ADGRL4: variants seen among roughly 807,000 people sequenced by gnomAD.
The protein encoded by ADGRL4 is EGF, latrophilin and seven transmembrane domain containing 1.
A neutral mutation model predicts 74.8 loss-of-function variants in ADGRL4; 90 were observed. That is an observed-to-expected ratio of 1.20 (90% confidence interval 1.02 to 1.43). The LOEUF (loss-of-function observed/expected upper bound fraction) is 1.43. ADGRL4 is among the 40% of genes most tolerant of loss of function. The pLI is 0.00. For missense variants in ADGRL4, 881 were observed against 814.3 expected (o/e 1.08, Z -1.00); for synonymous variants, 311 against 279.2 (o/e 1.11, Z -1.14).
At chr1:79,002,238 C>T (rs1173052508) in intron 2 of ADGRL4, among the ~76,000 whole-genome samples, 1 of 152,088 alleles carries the variant, frequency 6.6e-6, no homozygotes, top group Non-Finnish European at 1.5e-5. Flanking sequence ...TTATTACAGT[C>T]AGCTTGCTAT....
chr1:79,005,293 A>G, intron 1 of ADGRL4, 74 bp from the exon 2 acceptor site: 2 of 1,138,214 alleles, frequency 1.8e-6, no homozygotes, highest in Non-Finnish European at 2.4e-6. Context: ...ATTAGAGTAT[A>G]ATAAACATAA....
chr1:79,005,083 G>A lies in ADGRL4; in HGVS notation c.159C>T (p.Val53=). Reference sequence around the variant, plus strand: ...AAGCTTGTTTACCTTCACAAATTGTGACACCATTTCCTGAAAATCCCATGT... The same window carrying A: ...AAGCTTGTTTACCTTCACAAATTGTAACACCATTTCCTGAAAATCCCATGT... ...YCNMGFSGNG[V]TICEDDNECG... is the part of the protein sequence containing the mutation. Residue 53 remains valine (V), a synonymous_variant, in exon 2 of 15, where the codon GTC becomes GTT. Coordinates refer to ENST00000370742, the MANE Select transcript of ADGRL4 (RefSeq NM_022159.4). The A allele has an allele frequency of 6.2e-7, 1 of 1,611,958 alleles. No homozygotes were observed.
chr1:78,910,115 AG>A (rs754811424), intron 12 of ADGRL4, among the ~76,000 whole-genome samples: 62 of 151,766 alleles, frequency 4.1e-4, no homozygotes, highest in Non-Finnish European at 7.7e-4. Flanking sequence ...GGGGAGAATG[AG>A]TGTAGATTGG....
rs140676661 is a variant in ADGRL4 at position 78,905,854 on chromosome 1, C to T, written c.1749+11780G>A. Among the ~76,000 whole-genome samples the T allele has an allele frequency of 3.9e-3, 594 of 151,912 alleles. 5 individuals carry two copies. Among genetic ancestry groups the T allele is most frequent in the African/African-American group, 0.013 (555 of 41,476 alleles). On this transcript the variant is annotated intron_variant, in intron 12 of 14. Transcript: ENST00000370742. ...TAGCCATTAATTTGACTAAACATTTCGAAAAATTACATTTTTATTTTGTCT... is the reference window on the plus strand; with the variant it reads ...TAGCCATTAATTTGACTAAACATTTTGAAAAATTACATTTTTATTTTGTCT...
chr1:78,907,349 G>T (rs1160655028), intron 12 of ADGRL4, among the ~76,000 whole-genome samples: 1 of 151,944 alleles, frequency 6.6e-6, no homozygotes, highest in Non-Finnish European at 1.5e-5. Flanking sequence ...TATCATTTCT[G>T]AGTAACTTTT....
intron 9 of ADGRL4, among the ~76,000 whole-genome samples, chr1:78,921,243 T>C (rs1434789257): frequency 6.6e-6 from 1 of 151,364 alleles, no homozygotes; most frequent in Non-Finnish European, 1.5e-5. Flanking sequence ...TCAAATATTT[T>C]CAGGAGCTTT....
intron 7 of ADGRL4, among the ~76,000 whole-genome samples, chr1:78,927,716 T>C (rs1649148579): frequency 6.6e-6 from 1 of 152,018 alleles, no homozygotes; most frequent in Non-Finnish European, 1.5e-5. Flanking sequence ...AAATCATAAA[T>C]ACAAATATTA....
rs759442286 is a variant in ADGRL4, at chr1:78,937,831, A to G, written c.736T>C (p.Phe246Leu). ...ISQSFQKTTEFDTNSTDIALK... is the reference protein window; with the variant it reads ...ISQSFQKTTELDTNSTDIALK... ...CCTATATCCGTTGAATTTGTATCAA[A>G]CTCTGTGGTCTTTTGGAAGCTCTGG... The change falls in exon 6 of 15, where the codon TTT (phenylalanine) becomes CTT (leucine). Residue 246 changes from phenylalanine to leucine, a missense_variant. Physicochemically the swap from Phe to Leu is conservative, Grantham distance 22 (BLOSUM62 0). Transcript: ENST00000370742. 3.7e-6 allele frequency: 6 copies of G among 1,610,942 alleles called. No homozygotes were observed. In the Admixed American group the frequency reaches 5.1e-5, roughly 14 times the overall value.
intron 2 of ADGRL4, among the ~76,000 whole-genome samples, chr1:78,972,306 T>C (rs1239242330): frequency 6.6e-6 from 1 of 152,194 alleles, no homozygotes; most frequent in African/African-American, 2.4e-5. Context: ...AGCTCTAATA[T>C]TTATGGAGGA....
intron 2 of ADGRL4, among the ~76,000 whole-genome samples, chr1:78,990,605 G>A (rs1650587960): frequency 6.6e-6 from 1 of 151,752 alleles, no homozygotes; most frequent in African/African-American, 2.4e-5. Context: ...TGCTTTTACT[G>A]AAAATTTTTT....
intron 13 of ADGRL4, among the ~76,000 whole-genome samples, chr1:78,891,998 T>C (rs545756804): frequency 1.3e-5 from 2 of 152,162 alleles, no homozygotes; most frequent in Non-Finnish European, 2.9e-5. Flanking sequence ...TCTGGTGTAC[T>C]GCAGTGTGCA....
intron 12 of ADGRL4, among the ~76,000 whole-genome samples, chr1:78,895,831 A>T (rs1391871493): frequency 6.6e-6 from 1 of 152,058 alleles, no homozygotes; most frequent in Non-Finnish European, 1.5e-5. Flanking sequence ...ATAATTATTT[A>T]TGTACTGTAG....
rs188113017 is a variant in ADGRL4, at chr1:78,952,419, A to G, written c.173-5993T>C. On this transcript the variant is annotated intron_variant, in intron 2 of 14. Transcript: ENST00000370742. Reference sequence around the variant, plus strand: ...CTGGGAATTCTCTTTCCATATCAGTACTATAAGGAACTTTAAAAGATCATC... The same window carrying G: ...CTGGGAATTCTCTTTCCATATCAGTGCTATAAGGAACTTTAAAAGATCATC... Among the ~76,000 whole-genome samples the G allele has an allele frequency of 5.4e-5, 8 of 148,856 alleles. No homozygotes were observed. The East Asian group carries it at 1.6e-3, about 30-fold the overall frequency.
chr1:78,927,839 C>T (rs1417585065), intron 7 of ADGRL4, among the ~76,000 whole-genome samples: 3 of 152,126 alleles, frequency 2.0e-5, no homozygotes, highest in Non-Finnish European at 2.9e-5. Context: ...AAGTGTATTG[C>T]TATTTATGTT....
intron 7 of ADGRL4, among the ~76,000 whole-genome samples, chr1:78,935,741 A>C (rs186646060): frequency 1.2e-4 from 19 of 152,248 alleles, no homozygotes; most frequent in Admixed American, 1.2e-3. Context: ...AGACAGTAAC[A>C]AAAGTTGGAG....
At chr1:78,974,431 G>C (rs1650237800) in intron 2 of ADGRL4, among the ~76,000 whole-genome samples, 1 of 151,998 alleles carries the variant, frequency 6.6e-6, no homozygotes, top group Non-Finnish European at 1.5e-5. Flanking sequence ...GATTGAAAAA[G>C]AAAAGAATGG....
At chr1:78,956,567 C>A (rs1438136977) in intron 2 of ADGRL4, among the ~76,000 whole-genome samples, 1 of 152,156 alleles carries the variant, frequency 6.6e-6, no homozygotes, top group Non-Finnish European at 1.5e-5. Flanking sequence ...TTTTGCAAAT[C>A]TCTCAATCTG....
At chr1:78,954,359 A>T (rs182722071) in intron 2 of ADGRL4, among the ~76,000 whole-genome samples, 142 of 152,226 alleles carry the variant, frequency 9.3e-4, no homozygotes, top group South Asian at 4.1e-3. Flanking sequence ...TCACAATTGA[A>T]TTTAAAAAAC....
intron 2 of ADGRL4, among the ~76,000 whole-genome samples, chr1:78,964,379 C>A (rs940781082): frequency 1.3e-5 from 2 of 152,118 alleles, no homozygotes; most frequent in Non-Finnish European, 2.9e-5. Flanking sequence ...TTATTTCAGA[C>A]ACTATTTGTG....
Sources: gnomAD v4.1 joint callset for allele counts (sites outside exome capture counted in the v4.1 genomes callset) on GRCh38, gnomAD v4.1.1 for gene constraint, MANE v1.5 for transcripts, NCBI Gene and HGNC (gene_info 2026-07-23, HGNC 2026-07-21) for gene names.